Variants in SETD2 observed in about 807,000 individuals in gnomAD.
SETD2 encodes the protein histone-lysine N-methyltransferase SETD2.
SETD2 carries 31 observed loss-of-function variants against 242.1 expected under a neutral mutation model. That is an observed-to-expected ratio of 0.13 (90% CI 0.10 to 0.17). The LOEUF (loss-of-function observed/expected upper bound fraction) is 0.17. Among genes scored for constraint, SETD2 ranks in the 10% least tolerant of loss-of-function variants. The pLI is 1.00. For missense variants in SETD2, 2,481 were observed against 3,046.3 expected, an observed-to-expected ratio of 0.81 and a Z score of 4.37; for synonymous variants, 1,006 against 1,066.5, an observed-to-expected ratio of 0.94 and a Z score of 1.11.
chr3:47,064,520 C>A, intron 13 of SETD2: 1 of 231,316 alleles, frequency 4.3e-6, no homozygotes, highest in South Asian at 5.0e-5. Context: ...ACTATTTCTT[C>A]ACTATACCCT....
In SETD2 at chr3:47,017,496, C is replaced by T. The variant is rs921215776; in HGVS notation, c.7533+142G>A. 3 of 735,196 alleles carry T rather than the reference C, an allele frequency of 4.1e-6. No individual in the cohort carries two copies. The highest frequency in any genetic ancestry group is 3.5e-5 in the African/African-American group (2 of 56,392). 45.5% of individuals were successfully genotyped at this position (735,196 alleles called of 1,614,324 possible). A position where few individuals can be genotyped will look rare whatever the true frequency, so the allele number is the denominator to read the frequency against. On this transcript the variant is annotated intron_variant, in intron 20 of 20. Coordinates refer to ENST00000409792, the MANE Select transcript of SETD2 (RefSeq NM_014159.7). This position sits in a 1 kb window ranked among gnomAD's most constrained non-coding sequence, Gnocchi z 4.8. ...GTAAGGTACGCATCCCTCCCCAAACCTTCCCTCCCCGTTCCTGGGTCCCCA... is the reference window on the plus strand; with the variant it reads ...GTAAGGTACGCATCCCTCCCCAAACTTTCCCTCCCCGTTCCTGGGTCCCCA...
chr3:47,075,908 GA>G (rs1428966827), intron 12 of SETD2, among the ~76,000 whole-genome samples: 9 of 152,206 alleles, frequency 5.9e-5, no homozygotes, highest in Non-Finnish European at 8.8e-5. Context: ...CAGTATGAAA[GA>G]AAGTATGAAG....
intron 18 of SETD2, chr3:47,028,938 G>C (rs2038630733): frequency 1.0e-5 from 2 of 192,686 alleles, no homozygotes; most frequent in South Asian, 1.9e-4. Context: ...AGAGGCCTTT[G>C]AGGCCATGAA....
intron 12 of SETD2, among the ~76,000 whole-genome samples, chr3:47,073,150 C>CA (rs10712927): frequency 1.0e-3 from 132 of 130,418 alleles, no homozygotes; most frequent in African/African-American, 1.9e-3. Context: ...CATTCCATCT[C>CA]AAAAAAAAAA....
At chr3:47,088,278 A>G (rs369396702) in intron 9 of SETD2, 31 bp from the exon 10 acceptor site, 175 of 1,572,434 alleles carry the variant, frequency 1.1e-4, no homozygotes, top group Non-Finnish European at 1.4e-4. Flanking sequence ...ACCTTTTTAT[A>G]AAACAACAAC....
intron 8 of SETD2, among the ~76,000 whole-genome samples, chr3:47,100,964 C>G (rs1184250141): frequency 1.5e-5 from 2 of 131,886 alleles, no homozygotes; most frequent in Non-Finnish European, 3.1e-5. Context: ...GAGCCAAGAT[C>G]ACGCCACTGC....
intron 9 of SETD2, 49 bp downstream of exon 9, chr3:47,097,906 G>T (rs756563378): frequency 1.9e-6 from 3 of 1,596,250 alleles, no homozygotes; most frequent in Non-Finnish European, 2.6e-6. Flanking sequence ...AAGCCACCTC[G>T]CTTTTTAAAT....
Position 47,163,846 on chromosome 3 carries a change from A to G in SETD2, c.71+8T>C. 1 of 1,292,248 alleles carries G rather than the reference A, an allele frequency of 7.7e-7. No homozygotes were observed. The highest frequency in any genetic ancestry group is 9.9e-7 in the Non-Finnish European group (1 of 1,012,854). 80.0% of individuals were successfully genotyped at this position (1,292,248 alleles called of 1,614,324 possible). On this transcript the variant is annotated splice_region_variant and intron_variant, in intron 1 of 20. Transcript: ENST00000409792. Reference sequence around the variant, plus strand: ...ACAGCAGCGGGGGGCCGCGGAGCTGATACTTACTCAGGGGTCGGGTGCTCC... The same window carrying G: ...ACAGCAGCGGGGGGCCGCGGAGCTGGTACTTACTCAGGGGTCGGGTGCTCC...
rs905904627 is a variant in SETD2 at position 47,121,321 on chromosome 3, T to C, written c.3315A>G (p.Arg1105=). 2 of 1,611,584 alleles carry C rather than the reference T, an allele frequency of 1.2e-6. No homozygotes were observed. The highest frequency in any genetic ancestry group is 2.7e-5 in the African/African-American group (2 of 74,924). The stretch of plus-strand genomic sequence containing the variant: ...CATACAAATGTCTCCTTGACTCCAA[T>C]CTCTCATCTTCCCAATGGTCAGAAT... ...RHYSDHWEDE[R]LESRRHLYEE... The change falls in exon 3 of 21, where the codon AGA becomes AGG. Residue 1105 remains arginine (R), a synonymous_variant. Coordinates refer to ENST00000409792, the MANE Select transcript of SETD2 (RefSeq NM_014159.7).
intron 7 of SETD2, among the ~76,000 whole-genome samples, chr3:47,103,051 T>C (rs1220952051): frequency 6.6e-6 from 1 of 152,204 alleles, no homozygotes; most frequent in East Asian, 1.9e-4. Flanking sequence ...AAAATTGGAA[T>C]ACGGTCTTCA....
At chr3:47,028,474 C>T (rs1461770948) in intron 18 of SETD2, among the ~76,000 whole-genome samples, 1 of 152,098 alleles carries the variant, frequency 6.6e-6, no homozygotes, top group African/African-American at 2.4e-5. Context: ...ACAGGTGATG[C>T]CTTAGGAGAT....
intron 12 of SETD2, among the ~76,000 whole-genome samples, chr3:47,083,159 G>T (rs1463068038): frequency 6.6e-6 from 1 of 152,150 alleles, no homozygotes; most frequent in Non-Finnish European, 1.5e-5. Context: ...TATGTAATAG[G>T]CATAAGAGTT....
chr3:47,105,828 A>C, intron 6 of SETD2, 169 bp downstream of exon 6: 1 of 643,282 alleles, frequency 1.6e-6, no homozygotes, highest in Non-Finnish European at 2.6e-6. Context: ...TCTTGAACCC[A>C]GGAGGCAGGG....
At chr3:47,129,282 C>T (rs1458794854) in intron 1 of SETD2, among the ~76,000 whole-genome samples, 2 of 152,090 alleles carry the variant, frequency 1.3e-5, no homozygotes, top group Admixed American at 1.3e-4. Context: ...GGGAAATTTT[C>T]TCATCATTAA....
chr3:47,097,558 C>T (rs2042055603), intron 9 of SETD2, among the ~76,000 whole-genome samples: 1 of 152,182 alleles, frequency 6.6e-6, no homozygotes, highest in African/African-American at 2.4e-5. Flanking sequence ...CAAAACTTTT[C>T]TCACACTCAA....
intron 3 of SETD2, among the ~76,000 whole-genome samples, chr3:47,118,174 T>C (rs1386694708): frequency 6.6e-6 from 1 of 152,218 alleles, no homozygotes; most frequent in African/African-American, 2.4e-5. Flanking sequence ...TATATGAATA[T>C]GCTTAGCCTG....
intron 13 of SETD2, among the ~76,000 whole-genome samples, chr3:47,063,318 CAT>C (rs1553685447): frequency 1.3e-5 from 2 of 152,000 alleles, no homozygotes; most frequent in Non-Finnish European, 2.9e-5. Context: ...CTTAAAAAAA[CAT>C]AATACCAGGC....
chr3:47,023,647 G>T (rs2038339544), intron 18 of SETD2, among the ~76,000 whole-genome samples: 1 of 151,760 alleles, frequency 6.6e-6, no homozygotes, highest in African/African-American at 2.4e-5. Flanking sequence ...GCCAGCCATG[G>T]ATAGAAAATA....
chr3:47,162,432 G>A (rs1013621340), intron 1 of SETD2, among the ~76,000 whole-genome samples: 3 of 152,076 alleles, frequency 2.0e-5, no homozygotes, highest in African/African-American at 7.2e-5. Flanking sequence ...GTTAACCAAT[G>A]GCCAAGAACC....
Sources: gnomAD v4.1 joint callset for allele counts (sites outside exome capture counted in the v4.1 genomes callset) on GRCh38, gnomAD v4.1.1 for gene constraint, Gnocchi (gnomAD v3.1) non-coding constraint, MANE v1.5 for transcripts, NCBI Gene and HGNC (gene_info 2026-07-23, HGNC 2026-07-21) for gene names.